Variants in CDKL1 observed in about 807,000 individuals in gnomAD.
The protein encoded by CDKL1 is cyclin dependent kinase like 1.
A neutral mutation model predicts 42.0 loss-of-function variants in CDKL1; 41 were observed. The observed-to-expected ratio is 0.98, with a 90% CI of 0.76 to 1.27. The LOEUF is 1.27. CDKL1 is among the 50% of genes most tolerant of loss of function. The probability of loss-of-function intolerance (pLI) is 0.00; values close to 1 mark genes in which losing one functional copy is unlikely to be tolerated. For missense variants in CDKL1, 394 were observed against 428.4 expected (o/e 0.92, Z 0.71); for synonymous variants, 153 against 158.6 (o/e 0.96, Z 0.26).
Position 50,326,788 on chromosome 14 carries a change from C to T in CDKL1, c.*3286G>A. 1 of 981,236 alleles carries T rather than the reference C, an allele frequency of 1.0e-6. No homozygotes were observed. Among genetic ancestry groups the T allele is most frequent in the African/African-American group, 1.7e-5 (1 of 57,198 alleles). The allele number at this position is 981,236 out of a possible 1,614,324, so 60.8% of individuals were successfully genotyped here. On this transcript the variant is annotated 3_prime_UTR_variant, in exon 10 of 10. Transcript: ENST00000395834. ...GGGTGCCGTGGCTCGTGCCTGTAAT[C>T]CCAGTGCTTTGGGAGGCTGAGGTGG...
chr14:50,390,471 C>A (rs2015870), intron 2 of CDKL1: 200,970 of 1,060,620 alleles, frequency 0.19, 20,647 homozygotes, highest in East Asian at 0.4. Context: ...TACAATTATT[C>A]TATTGTATTA....
chr14:50,341,563 C>T lies in CDKL1; in HGVS notation c.455-331G>A, dbSNP rs917501658. Among the ~76,000 whole-genome samples the T allele has an allele frequency of 8.6e-5, 13 of 150,932 alleles. No individual in the cohort carries two copies. The East Asian group carries it at 2.2e-3, about 25-fold the overall frequency. The stretch of plus-strand genomic sequence containing the variant: ...GGAGGCCGAGGTAGGTGGTTTGCTT[C>T]AGCCCAGGAGTTCGAGACCAGCCTG... On this transcript the variant is annotated intron_variant, in intron 5 of 9. Coordinates refer to ENST00000395834, the MANE Select transcript of CDKL1 (RefSeq NM_004196.7).
At chr14:50,335,375 T>G in intron 7 of CDKL1, 1 of 783,456 alleles carries the variant, frequency 1.3e-6, no homozygotes, top group Non-Finnish European at 1.9e-6. Flanking sequence ...GTTTTTCCCC[T>G]ACCCAGGTGA....
chr14:50,388,788 T>TTCAAGCATGA (rs1361623725), intron 2 of CDKL1, among the ~76,000 whole-genome samples: 1 of 152,070 alleles, frequency 6.6e-6, no homozygotes, highest in African/African-American at 2.4e-5. Flanking sequence ...ACTCCACAGC[T>TTCAAGCATGA]TCAAGCATGA....
upstream of CDKL1, chr14:50,397,080 G>A (rs752669537): frequency 2.2e-6 from 3 of 1,345,090 alleles, no homozygotes; most frequent in Non-Finnish European, 3.0e-6. Context: ...CCTGCTGCCG[G>A]GAGAGCAGAC....
intron 4 of CDKL1, chr14:50,342,994 C>G (rs766056151): frequency 2.5e-5 from 34 of 1,355,454 alleles, no homozygotes; most frequent in Non-Finnish European, 3.1e-5. Context: ...GGCCCCCCCT[C>G]CAGAATTTAG....
chr14:50,327,347 A>G lies in CDKL1; in HGVS notation c.*2727T>C, dbSNP rs1195007838. On this transcript the variant is annotated 3_prime_UTR_variant, in exon 10 of 10. Coordinates refer to ENST00000395834, the MANE Select transcript of CDKL1 (RefSeq NM_004196.7). ...AAGACCCTGTCTCAAAAAAAAAAAAAAAAGTGAAAAATAGATAAAACAGGT... is the reference window on the plus strand; with the variant it reads ...AAGACCCTGTCTCAAAAAAAAAAAAGAAAGTGAAAAATAGATAAAACAGGT... 1 of 151,958 alleles carries G rather than the reference A, an allele frequency of 6.6e-6. No individual in the cohort carries two copies. Among genetic ancestry groups the G allele is most frequent in the Non-Finnish European group, 1.5e-5 (1 of 68,012 alleles). 9.4% of individuals were successfully genotyped at this position (151,958 alleles called of 1,614,324 possible).
chr14:50,380,974 C>T (rs923036586), intron 2 of CDKL1, among the ~76,000 whole-genome samples: 1 of 152,082 alleles, frequency 6.6e-6, no homozygotes, highest in Non-Finnish European at 1.5e-5. Flanking sequence ...GCTGTATCCT[C>T]TTTAAAGGAC....
At chr14:50,337,901 G>C (rs192744220) in intron 7 of CDKL1, among the ~76,000 whole-genome samples, 1 of 151,764 alleles carries the variant, frequency 6.6e-6, no homozygotes, top group Admixed American at 6.6e-5. Flanking sequence ...TGCTGGTCTC[G>C]AGCCCCTGAT....
intron 3 of CDKL1, among the ~76,000 whole-genome samples, chr14:50,356,093 T>C (rs1002138498): frequency 6.6e-6 from 1 of 152,168 alleles, no homozygotes; most frequent in Admixed American, 6.5e-5. Flanking sequence ...GTAAGTATAC[T>C]AACCTAAGGG....
chr14:50,336,869 A>AT (rs1194506628), intron 7 of CDKL1, among the ~76,000 whole-genome samples: 1 of 151,884 alleles, frequency 6.6e-6, no homozygotes, highest in Non-Finnish European at 1.5e-5. Context: ...AATGTAAAAA[A>AT]AAAAAGCTTT....
chr14:50,344,645 T>A (rs1370490761), intron 4 of CDKL1, among the ~76,000 whole-genome samples: 1 of 151,938 alleles, frequency 6.6e-6, no homozygotes, highest in Non-Finnish European at 1.5e-5. Context: ...CATTTTTTTT[T>A]ATTTTCTGTA....
chr14:50,371,666 C>T (rs1383063185), intron 2 of CDKL1, among the ~76,000 whole-genome samples: 1 of 152,190 alleles, frequency 6.6e-6, no homozygotes, highest in Non-Finnish European at 1.5e-5. Flanking sequence ...CTGTGTGCTC[C>T]CTGGAGCTGG....
chr14:50,362,647 T>A (rs1302712246), intron 2 of CDKL1, among the ~76,000 whole-genome samples: 1 of 151,878 alleles, frequency 6.6e-6, no homozygotes, highest in Non-Finnish European at 1.5e-5. Flanking sequence ...CTACTCTGGT[T>A]AGGACTTAGA....
At chr14:50,335,446 CT>C in intron 7 of CDKL1, 1 of 1,531,922 alleles carries the variant, frequency 6.5e-7, no homozygotes, top group Non-Finnish European at 8.7e-7. Context: ...GGGCCTGCTG[CT>C]TCCCTTCTCA....
At chr14:50,393,648 T>G (rs1053135058) in intron 2 of CDKL1, among the ~76,000 whole-genome samples, 16 of 152,310 alleles carry the variant, frequency 1.1e-4, no homozygotes, top group African/African-American at 3.9e-4. Flanking sequence ...ATGCCCAGCC[T>G]AGTACGTATT....
rs1037876512 is a variant in CDKL1 at position 50,389,839 on chromosome 14, T to C, written c.168+5862A>G. Reference sequence around the variant, plus strand: ...CCAGTCATTGGGAGACTTCAGAGTATGGTGTTTGGTATAAAGTGATGGATG... The same window carrying C: ...CCAGTCATTGGGAGACTTCAGAGTACGGTGTTTGGTATAAAGTGATGGATG... On this transcript the variant is annotated intron_variant, in intron 2 of 9. Transcript: ENST00000395834. Among the ~76,000 whole-genome samples the C allele has an allele frequency of 8.5e-5, 13 of 152,074 alleles. 1 individual carries two copies. The highest frequency in any genetic ancestry group is 2.9e-4 in the African/African-American group (12 of 41,416).
chr14:50,367,044 G>A (rs1192226540), intron 2 of CDKL1, among the ~76,000 whole-genome samples: 4 of 152,208 alleles, frequency 2.6e-5, no homozygotes, highest in Non-Finnish European at 5.9e-5. Context: ...CCGAAGGAGC[G>A]AGAGTGAGAT....
Position 50,332,897 on chromosome 14 carries a change from C to G in CDKL1, c.796-465G>C, listed in dbSNP as rs112413320. 1.2e-3 allele frequency: 419 copies of G among 352,988 alleles called. 2 individuals carry two copies. Among genetic ancestry groups the G allele is most frequent in the African/African-American group, 8.1e-3 (350 of 43,116 alleles). 21.9% of individuals were successfully genotyped at this position (352,988 alleles called of 1,614,324 possible). On this transcript the variant is annotated intron_variant, in intron 8 of 9. Transcript: ENST00000395834. ...GGTGTTCCCTTCACCCTTCTAAAAT[C>G]AGCTACTTTTTTTTTTTTTTTTTTT...
Sources: gnomAD v4.1 joint callset for allele counts (sites outside exome capture counted in the v4.1 genomes callset) on GRCh38, gnomAD v4.1.1 for gene constraint, MANE v1.5 for transcripts, NCBI Gene and HGNC (gene_info 2026-07-23, HGNC 2026-07-21) for gene names.